KIF13B: variants seen among roughly 807,000 people sequenced by gnomAD.
KIF13B encodes the protein kinesin-like protein KIF13B.
Under a neutral mutation model 222.0 loss-of-function variants are expected in KIF13B, and 127 were observed. The observed-to-expected ratio is 0.57, with a 90% CI of 0.50 to 0.66. KIF13B has a LOEUF of 0.66. Among genes scored for constraint, KIF13B ranks in the 30% least tolerant of loss-of-function variants. The probability of loss-of-function intolerance (pLI) is 0.00; values close to 1 mark genes in which losing one functional copy is unlikely to be tolerated. For synonymous variants in KIF13B, 976 were observed against 919.0 expected, an observed-to-expected ratio of 1.06 and a Z score of -1.12; for missense variants, 2,173 against 2,379.0, an observed-to-expected ratio of 0.91 and a Z score of 1.80.
intron 31 of KIF13B, among the ~76,000 whole-genome samples, chr8:29,116,403 T>C (rs534503068): frequency 6.6e-6 from 1 of 152,068 alleles, no homozygotes; most frequent in South Asian, 2.1e-4. Flanking sequence ...CAGGAGACGA[T>C]GGCTGCAGTG....
chr8:29,080,858 C>A (rs1265651443), intron 37 of KIF13B, among the ~76,000 whole-genome samples: 1 of 152,218 alleles, frequency 6.6e-6, no homozygotes, highest in Non-Finnish European at 1.5e-5. Context: ...AGAAGGCAAC[C>A]ATGGGTTTCT....
chr8:29,160,597 GAGTCCAGAAACCCA>G, intron 13 of KIF13B, 122 bp downstream of exon 13: 5 of 585,746 alleles, frequency 8.5e-6, no homozygotes, highest in Non-Finnish European at 1.3e-5. Flanking sequence ...AAAGAAAACT[GAGTCCAGAAACCCA>G]AGATGGTTCT....
intron 17 of KIF13B, 140 bp from the exon 18 acceptor site, chr8:29,146,680 G>T: frequency 1.4e-6 from 1 of 728,164 alleles, no homozygotes; most frequent in Non-Finnish European, 2.3e-6. Context: ...CAGGGACTGT[G>T]TTGCTGACAC....
chr8:29,115,212 T>C (rs1422801255), intron 31 of KIF13B, among the ~76,000 whole-genome samples: 1 of 152,084 alleles, frequency 6.6e-6, no homozygotes, highest in African/African-American at 2.4e-5. Context: ...TCATCTGTAC[T>C]GGTTTTAGTC....
chr8:29,123,934 C>T, intron 27 of KIF13B, 90 bp downstream of exon 27: 1 of 770,124 alleles, frequency 1.3e-6, no homozygotes, highest in Non-Finnish European at 2.2e-6. Flanking sequence ...ATGTGTTCAT[C>T]TGGTTCTTAA....
intron 2 of KIF13B, among the ~76,000 whole-genome samples, chr8:29,244,455 G>A (rs1014757983): frequency 2.6e-5 from 4 of 151,852 alleles, no homozygotes; most frequent in Non-Finnish European, 5.9e-5. Context: ...CACTTTCAGG[G>A]CCAATACAAA....
chr8:29,086,750 T>C lies in KIF13B; in HGVS notation c.4458+5995A>G, dbSNP rs77384656. The stretch of plus-strand genomic sequence containing the variant: ...TAGTATCACTATTTCCCCCTTCCTA[T>C]ATTGTACTATTGATCCAGATTCCTT... On this transcript the variant is annotated intron_variant, in intron 37 of 39. Coordinates refer to ENST00000524189, the MANE Select transcript of KIF13B (RefSeq NM_015254.4). Among the ~76,000 whole-genome samples the C allele has an allele frequency of 3.2e-3, 489 of 152,324 alleles. 3 individuals are homozygous for C. The highest frequency in any genetic ancestry group is 0.011 in the African/African-American group (465 of 41,576).
chr8:29,130,542 C>T lies in KIF13B; in HGVS notation c.3066G>A (p.Gln1022=). ...AKDVPTGGIF[Q]LRQGQSRRVQ... is the part of the protein sequence containing the mutation. ...TTCACAATCTTGTTACCTGCCGGAGCTGGAAGATTCCTCCTGTTGGGACAT... is the reference window on the plus strand; with the variant it reads ...TTCACAATCTTGTTACCTGCCGGAGTTGGAAGATTCCTCCTGTTGGGACAT... Residue 1022 remains glutamine (Q), a synonymous_variant, in exon 24 of 40, where the codon CAG becomes CAA. Coordinates refer to ENST00000524189, the MANE Select transcript of KIF13B (RefSeq NM_015254.4). The T allele has an allele frequency of 6.2e-7, 1 of 1,613,802 alleles. No homozygotes were observed. Among genetic ancestry groups the T allele is most frequent in the Non-Finnish European group, 8.5e-7 (1 of 1,179,764 alleles).
intron 1 of KIF13B, among the ~76,000 whole-genome samples, 172 bp from the exon 2 acceptor site, chr8:29,245,611 G>A (rs1040288705): frequency 2.6e-5 from 4 of 152,130 alleles, no homozygotes; most frequent in Admixed American, 6.5e-5. Flanking sequence ...AAAACCCACA[G>A]CTAACATCAC....
At chr8:29,177,770 C>T (rs1227475272) in intron 8 of KIF13B, among the ~76,000 whole-genome samples, 192 bp from the exon 9 acceptor site, 2 of 152,064 alleles carry the variant, frequency 1.3e-5, no homozygotes, top group African/African-American at 4.8e-5. Context: ...AATAGCTGGC[C>T]ATGGTGGCGT....
chr8:29,130,800 T>A, intron 23 of KIF13B, 135 bp from the exon 24 acceptor site: 1 of 737,442 alleles, frequency 1.4e-6, no homozygotes, highest in Non-Finnish European at 2.2e-6. Context: ...TGTAGTTCAG[T>A]GAATACCATG....
Position 29,231,225 on chromosome 8 carries a change from A to G in KIF13B, c.149+14121T>C, listed in dbSNP as rs1815270782. ...GTCTCTGTCCCCCATCCTACTTTTAAGCATCCTTCATGATGTAAATAGATG... is the reference window on the plus strand; with the variant it reads ...GTCTCTGTCCCCCATCCTACTTTTAGGCATCCTTCATGATGTAAATAGATG... On this transcript the variant is annotated intron_variant, in intron 2 of 39. Coordinates refer to ENST00000524189, the MANE Select transcript of KIF13B (RefSeq NM_015254.4). 2.6e-5 allele frequency among the ~76,000 whole-genome samples: 4 copies of G among 152,194 alleles called. No homozygotes were observed. The South Asian group carries it at 8.3e-4, about 31-fold the overall frequency.
intron 1 of KIF13B, chr8:29,250,117 C>T (rs183357742): frequency 1.7e-5 from 19 of 1,130,844 alleles, no homozygotes; most frequent in South Asian, 1.7e-4. Context: ...ATCAACTCTC[C>T]GGAAATCTAC....
chr8:29,154,005 T>G (rs370159405), intron 14 of KIF13B, among the ~76,000 whole-genome samples: 1 of 152,368 alleles, frequency 6.6e-6, no homozygotes, highest in African/African-American at 2.4e-5. Flanking sequence ...TGCAGGTTTT[T>G]ACACACTAAA....
chr8:29,157,099 G>T (rs1485421519), intron 13 of KIF13B, among the ~76,000 whole-genome samples: 1 of 151,674 alleles, frequency 6.6e-6, no homozygotes. Flanking sequence ...TTCCTCCAAG[G>T]TCTATCAAGA....
chr8:29,238,853 C>T (rs969487964), intron 2 of KIF13B, among the ~76,000 whole-genome samples: 2 of 152,054 alleles, frequency 1.3e-5, no homozygotes, highest in African/African-American at 4.8e-5. Context: ...CAAAACCTTA[C>T]ACTTAGGGGT....
chr8:29,181,901 C>T lies in KIF13B; in HGVS notation c.585+18G>A, dbSNP rs1386072686. ...TACTACACTAAATTTAAATAGTTCA[C>T]ATACAGGATGTTGTTACCTTGTAGC... On this transcript the variant is annotated intron_variant, in intron 7 of 39. Transcript: ENST00000524189. 2 of 1,588,304 alleles carry T rather than the reference C, an allele frequency of 1.3e-6. No homozygotes were observed. The highest frequency in any genetic ancestry group is 1.7e-6 in the Non-Finnish European group (2 of 1,159,328).
In KIF13B at chr8:29,150,218, G is replaced by T. The variant is rs1026210236; in HGVS notation, c.1622+79C>A. The stretch of plus-strand genomic sequence containing the variant: ...AATAACATAATTGTTGTAGAGAAAG[G>T]TTTACTTTTTAACATGTATTTTCTA... On this transcript the variant is annotated intron_variant, in intron 15 of 39. Coordinates refer to ENST00000524189, the MANE Select transcript of KIF13B (RefSeq NM_015254.4). 1.0e-5 allele frequency: 8 copies of T among 763,486 alleles called. No individual in the cohort carries two copies. The Admixed American group carries it at 1.7e-4, about 16-fold the overall frequency. The allele number at this position is 763,486 out of a possible 1,614,324, so 47.3% of individuals were successfully genotyped here.
chr8:29,215,841 G>C (rs1341039792), intron 2 of KIF13B, among the ~76,000 whole-genome samples: 2 of 152,116 alleles, frequency 1.3e-5, no homozygotes, highest in African/African-American at 4.8e-5. Context: ...AATCTTGGTG[G>C]AAAAAAGTAA....
Sources: allele counts gnomAD v4.1 joint callset (sites outside exome capture counted in the v4.1 genomes callset), GRCh38; gene constraint gnomAD v4.1.1; transcripts MANE v1.5; gene names NCBI Gene and HGNC (gene_info 2026-07-23, HGNC 2026-07-21).